Variants in MTHFD2L observed in about 807,000 individuals in gnomAD.
MTHFD2L encodes methylenetetrahydrofolate dehydrogenase (NADP+ dependent) 2 like.
A neutral mutation model predicts 34.9 loss-of-function variants in MTHFD2L; 29 were observed. The observed-to-expected ratio is 0.83, with a 90% CI of 0.62 to 1.13. The LOEUF (loss-of-function observed/expected upper bound fraction) is 1.13, where lower values mean the gene tolerates loss of function less well. Among genes scored for constraint, MTHFD2L ranks in the 50% most tolerant of loss-of-function variants. The pLI is 0.00. For missense variants in MTHFD2L, 481 were observed against 446.5 expected (o/e 1.08, Z -0.70); for synonymous variants, 167 against 155.7 (o/e 1.07, Z -0.54).
At chr4:74,269,557 A>G (rs1388935201) in intron 6 of MTHFD2L, among the ~76,000 whole-genome samples, 1 of 151,760 alleles carries the variant, frequency 6.6e-6, no homozygotes, top group Non-Finnish European at 1.5e-5. Context: ...TACATTATAT[A>G]TAATAATAAA....
intron 6 of MTHFD2L, chr4:74,241,744 A>C (rs894350434): frequency 5.6e-6 from 1 of 177,442 alleles, no homozygotes. Flanking sequence ...AATTTTCTTG[A>C]CATTGCTAAA....
At position 74,142,021 on chromosome 4, in the gene MTHFD2L, A is replaced by T. The variant is rs370142080; in HGVS notation, c.-297+16504A>T. Among the ~76,000 whole-genome samples the T allele has an allele frequency of 3.8e-4, 58 of 152,352 alleles. No homozygotes were observed. The South Asian group carries it at 4.3e-3, about 11-fold the overall frequency. On this transcript the variant is annotated intron_variant, in intron 1 of 7. Transcript: ENST00000433372. Reference sequence around the variant, plus strand: ...CTTGAGCCTAAGCTGGGCTCACATTAGAATTCAGGTATGTCTAAAATTCAT... The same window carrying T: ...CTTGAGCCTAAGCTGGGCTCACATTTGAATTCAGGTATGTCTAAAATTCAT...
chr4:74,168,181 C>T (rs1351011924), intron 1 of MTHFD2L, among the ~76,000 whole-genome samples: 1 of 152,190 alleles, frequency 6.6e-6, no homozygotes, highest in Non-Finnish European at 1.5e-5. Flanking sequence ...CAGTAAAAGC[C>T]AACATCCTTT....
intron 7 of MTHFD2L, among the ~76,000 whole-genome samples, chr4:74,290,666 G>A (rs866179230): frequency 9.9e-5 from 15 of 151,902 alleles, no homozygotes; most frequent in South Asian, 2.1e-4. Flanking sequence ...GTGTGTACGC[G>A]CGAGGGTACA....
chr4:74,289,225 A>G (rs972310114), intron 7 of MTHFD2L, among the ~76,000 whole-genome samples: 1 of 152,188 alleles, frequency 6.6e-6, no homozygotes, highest in African/African-American at 2.4e-5. Flanking sequence ...AGGGCTAGAG[A>G]ATGGTGGCAT....
At chr4:74,152,913 T>A (rs1272988993) in intron 1 of MTHFD2L, among the ~76,000 whole-genome samples, 1 of 152,208 alleles carries the variant, frequency 6.6e-6, no homozygotes, top group Non-Finnish European at 1.5e-5. Flanking sequence ...TCTTAAAATA[T>A]CCTAGGGAAC....
At chr4:74,254,744 C>G (rs1382651764) in intron 6 of MTHFD2L, among the ~76,000 whole-genome samples, 1 of 151,972 alleles carries the variant, frequency 6.6e-6, no homozygotes, top group South Asian at 2.1e-4. Context: ...GTTCAACATA[C>G]TCTAATACTC....
At chr4:74,240,281 T>A (rs988604854) in intron 6 of MTHFD2L, among the ~76,000 whole-genome samples, 3 of 152,228 alleles carry the variant, frequency 2.0e-5, no homozygotes, top group African/African-American at 4.8e-5. Flanking sequence ...AAATATTTTT[T>A]AAAACTTTTT....
At chr4:74,267,838 G>C (rs1336293262) in intron 6 of MTHFD2L, 1 of 985,178 alleles carries the variant, frequency 1.0e-6, no homozygotes, top group Non-Finnish European at 1.2e-6. Flanking sequence ...CTACTTGAAT[G>C]ATCCTATGAA....
intron 3 of MTHFD2L, among the ~76,000 whole-genome samples, chr4:74,191,757 C>T (rs2110023649): frequency 6.6e-6 from 1 of 151,966 alleles, no homozygotes; most frequent in African/African-American, 2.4e-5. Flanking sequence ...TAGGGTTTCA[C>T]CATGTTGGCC....
At chr4:74,181,173 A>T (rs898365552) in intron 3 of MTHFD2L, among the ~76,000 whole-genome samples, 1 of 152,102 alleles carries the variant, frequency 6.6e-6, no homozygotes, top group Non-Finnish European at 1.5e-5. Context: ...GTGCAGGGTG[A>T]ATTTGATTTA....
chr4:74,175,397 C>T lies in MTHFD2L; in HGVS notation c.445C>T (p.Leu149=). The part of the protein sequence containing the change: ...RVSGILVQLP[L]PDHVDERTIC... ...CAGCGGTATATTAGTTCAGTTACCA[C>T]TACCAGGTACATAATGCTCCTCTTA... Residue 149 remains leucine, a synonymous_variant, in exon 3 of 8, where the codon CTA becomes TTA. Transcript: ENST00000325278. 1 of 1,608,720 alleles carries T rather than the reference C, an allele frequency of 6.2e-7. No individual in the cohort carries two copies. The highest frequency in any genetic ancestry group is 8.5e-7 in the Non-Finnish European group (1 of 1,178,066).
intron 1 of MTHFD2L, among the ~76,000 whole-genome samples, chr4:74,171,839 A>G (rs1453292316): frequency 1.3e-5 from 2 of 152,208 alleles, no homozygotes; most frequent in African/African-American, 4.8e-5. Context: ...TACAAAATAT[A>G]TTAAAGCATA....
intron 6 of MTHFD2L, chr4:74,280,148 CAG>C (rs1747246651): frequency 1.3e-5 from 2 of 152,258 alleles, no homozygotes; most frequent in South Asian, 2.1e-4. Context: ...AAGATGATCA[CAG>C]AGTCTTTGAT....
intron 3 of MTHFD2L, chr4:74,180,584 T>C: frequency 3.4e-6 from 1 of 293,654 alleles, no homozygotes; most frequent in South Asian, 2.6e-5. Flanking sequence ...GTGCAGGGAG[T>C]TTCCATGCAT....
intron 6 of MTHFD2L, among the ~76,000 whole-genome samples, chr4:74,252,390 A>G (rs1743444727): frequency 6.6e-6 from 1 of 152,222 alleles, no homozygotes; most frequent in East Asian, 1.9e-4. Flanking sequence ...AACAAAGACA[A>G]GGACAAACAA....
intron 6 of MTHFD2L, among the ~76,000 whole-genome samples, chr4:74,270,589 G>T (rs1434658668): frequency 6.6e-6 from 1 of 152,140 alleles, no homozygotes; most frequent in Non-Finnish European, 1.5e-5. Context: ...ATTTGGGTTG[G>T]TTCCAAGTCT....
intron 2 of MTHFD2L, 126 bp downstream of exon 2, chr4:74,174,816 T>C (rs1728718273): frequency 1.5e-6 from 1 of 649,490 alleles, no homozygotes; most frequent in African/African-American, 1.9e-5. Context: ...TTATTAAAGA[T>C]TATTCAGTTA....
intron 5 of MTHFD2L, among the ~76,000 whole-genome samples, chr4:74,221,726 A>G (rs979074305): frequency 6.6e-6 from 1 of 151,912 alleles, no homozygotes; most frequent in African/African-American, 2.4e-5. Context: ...AATGACAAGG[A>G]AATTTATATT....
Sources: allele counts gnomAD v4.1 joint callset (sites outside exome capture counted in the v4.1 genomes callset), GRCh38; gene constraint gnomAD v4.1.1; transcripts MANE v1.5; gene names NCBI Gene and HGNC (gene_info 2026-07-23, HGNC 2026-07-21).